The following IFT43 variants were observed in gnomAD, a reference collection of about 807,000 sequenced individuals.
The protein encoded by IFT43 is intraflagellar transport protein 43 homolog.
A neutral mutation model predicts 32.3 loss-of-function variants in IFT43; 33 were observed. The ratio of observed to expected loss-of-function variants is 1.02; its 90% CI spans 0.77 to 1.37. The LOEUF is 1.37. Among genes scored for constraint, IFT43 ranks in the 40% most tolerant of loss-of-function variants. The pLI, the probability that IFT43 is intolerant of heterozygous loss-of-function variation, is 0.00. For missense variants in IFT43, 274 were observed against 265.9 expected, an observed-to-expected ratio of 1.03 and a Z score of -0.21; for synonymous variants, 93 against 98.2, an observed-to-expected ratio of 0.95 and a Z score of 0.31.
chr14:76,067,293 CA>C (rs1458661762), intron 5 of IFT43, among the ~76,000 whole-genome samples: 2 of 152,176 alleles, frequency 1.3e-5, no homozygotes, highest in Non-Finnish European at 2.9e-5. Flanking sequence ...AGGCCGGGTA[CA>C]GTGGCTCACG....
intron 5 of IFT43, chr14:76,076,544 G>A: frequency 6.2e-7 from 1 of 1,610,258 alleles, no homozygotes; most frequent in Non-Finnish European, 8.5e-7. Context: ...GTAGTGCTTG[G>A]GGTATACTCA....
chr14:76,052,463 A>G (rs933812354), intron 3 of IFT43, among the ~76,000 whole-genome samples: 7 of 152,134 alleles, frequency 4.6e-5, no homozygotes, highest in Non-Finnish European at 1.0e-4. Context: ...GTTGGGGGTC[A>G]TAACTACCTG....
At chr14:76,052,585 C>T (rs990271681) in intron 3 of IFT43, among the ~76,000 whole-genome samples, 4 of 152,200 alleles carry the variant, frequency 2.6e-5, no homozygotes, top group Non-Finnish European at 5.9e-5. Flanking sequence ...GCCATGGTCC[C>T]ATGTGGCTGA....
chr14:76,058,492 G>A (rs2037067796), intron 3 of IFT43, 150 bp from the exon 4 acceptor site: 3 of 792,378 alleles, frequency 3.8e-6, no homozygotes, highest in South Asian at 3.3e-5. Flanking sequence ...CATGCTGGTT[G>A]TGGGGCTTGT....
chr14:76,048,872 C>T (rs1216970165), intron 3 of IFT43, among the ~76,000 whole-genome samples: 1 of 152,198 alleles, frequency 6.6e-6, no homozygotes, highest in Non-Finnish European at 1.5e-5. Flanking sequence ...CCTGTGCTCC[C>T]CCAGTGGCTC....
intron 3 of IFT43, 118 bp from the exon 4 acceptor site, chr14:76,058,524 A>G: frequency 1.6e-6 from 2 of 1,226,484 alleles, no homozygotes; most frequent in Non-Finnish European, 2.3e-6. Context: ...ACTGCAGACA[A>G]ATAAAGCACT....
intron 3 of IFT43, among the ~76,000 whole-genome samples, chr14:76,057,382 C>G (rs2037038918): frequency 6.6e-6 from 1 of 152,094 alleles, no homozygotes; most frequent in African/African-American, 2.4e-5. Flanking sequence ...AGGTGCCCAC[C>G]ACCATACCTG....
intron 2 of IFT43, among the ~76,000 whole-genome samples, chr14:76,009,396 G>A (rs2036037710): frequency 6.6e-6 from 1 of 152,122 alleles, no homozygotes; most frequent in South Asian, 2.1e-4. Context: ...AATAGACATT[G>A]GATATTATTT....
At chr14:76,063,422 A>G (rs2037178032) in intron 5 of IFT43, among the ~76,000 whole-genome samples, 1 of 152,190 alleles carries the variant, frequency 6.6e-6, no homozygotes, top group Non-Finnish European at 1.5e-5. Flanking sequence ...CTTTGCTTCT[A>G]AAATTCCAGC....
In IFT43 at chr14:76,028,868, A is replaced by T. The variant is rs559330525; in HGVS notation, c.215+6474A>T. Among the ~76,000 whole-genome samples, 11 of 152,334 alleles carry T rather than the reference A, an allele frequency of 7.2e-5. No homozygotes were observed. The South Asian group carries it at 2.3e-3, about 32-fold the overall frequency. On this transcript the variant is annotated intron_variant, in intron 3 of 8. Coordinates refer to ENST00000314067, the MANE Select transcript of IFT43 (RefSeq NM_001102564.3). ...TCTTCATCCAGTCCACCATTGATGG[A>T]CACCTAGTTTGATTCCATGTCTTTC...
At chr14:76,035,644 C>T (rs1432804688) in intron 3 of IFT43, among the ~76,000 whole-genome samples, 1 of 152,238 alleles carries the variant, frequency 6.6e-6, no homozygotes, top group African/African-American at 2.4e-5. Context: ...TCTGTAAGCA[C>T]AGTTGCAAAC....
At chr14:76,008,865 G>A (rs2139917713) in intron 2 of IFT43, among the ~76,000 whole-genome samples, 1 of 152,258 alleles carries the variant, frequency 6.6e-6, no homozygotes, top group Middle Eastern at 3.4e-3. Flanking sequence ...TTTTAATTCT[G>A]ACTTTGCCCT....
chr14:76,004,245 C>G (rs1229882034), intron 2 of IFT43, among the ~76,000 whole-genome samples: 1 of 152,162 alleles, frequency 6.6e-6, no homozygotes, highest in Non-Finnish European at 1.5e-5. Flanking sequence ...AGAACAACTT[C>G]TCTATCTAGT....
intron 3 of IFT43, among the ~76,000 whole-genome samples, chr14:76,035,910 T>C (rs1159648459): frequency 1.3e-5 from 2 of 152,228 alleles, no homozygotes; most frequent in East Asian, 3.8e-4. Context: ...TTATTTTTAA[T>C]TGCTTCATGT....
intron 5 of IFT43, among the ~76,000 whole-genome samples, chr14:76,063,084 A>G (rs551333012): frequency 2.6e-5 from 4 of 152,290 alleles, no homozygotes; most frequent in African/African-American, 9.6e-5. Flanking sequence ...AGTTAGCCCT[A>G]AACACTAATG....
chr14:76,076,674 C>A lies in IFT43; in HGVS notation c.296-5621C>A, dbSNP rs759790155. On this transcript the variant is annotated intron_variant, in intron 5 of 8. Transcript: ENST00000314067. The stretch of plus-strand genomic sequence containing the variant: ...ACGCATCACAGAGATTTGGGGCTGG[C>A]TTCATTGGAAGAGGCAGGTAGGCTT... The A allele has an allele frequency of 3.1e-6, 5 of 1,614,156 alleles. No individual in the cohort carries two copies. In the Admixed American group the frequency reaches 8.3e-5, roughly 27 times the overall value.
chr14:76,077,165 T>G (rs78804650), intron 5 of IFT43, among the ~76,000 whole-genome samples: 4,230 of 152,172 alleles, frequency 0.028, 82 homozygotes, highest in Middle Eastern at 0.071. Flanking sequence ...TTTGAATGAC[T>G]CTTCCTCTGA....
At chr14:76,028,410 C>T (rs950071614) in intron 3 of IFT43, among the ~76,000 whole-genome samples, 2 of 152,076 alleles carry the variant, frequency 1.3e-5, no homozygotes, top group African/African-American at 4.8e-5. Context: ...TACTCTCTCT[C>T]CTTTTTCTTT....
chr14:76,060,242 G>T (rs1314079233), intron 5 of IFT43, among the ~76,000 whole-genome samples: 1 of 152,066 alleles, frequency 6.6e-6, no homozygotes, highest in Non-Finnish European at 1.5e-5. Context: ...TTTTGAGGCA[G>T]AGTCTCGCTG....
Sources: allele counts gnomAD v4.1 joint callset (sites outside exome capture counted in the v4.1 genomes callset), GRCh38; gene constraint gnomAD v4.1.1; transcripts MANE v1.5; gene names NCBI Gene and HGNC (gene_info 2026-07-23, HGNC 2026-07-21).